TNS3: variants seen among roughly 807,000 people sequenced by gnomAD.
TNS3 encodes tensin 3.
In TNS3, 45 loss-of-function variants were observed where a neutral mutation model predicts 140.9. That is an observed-to-expected ratio of 0.32 (90% confidence interval 0.25 to 0.41). The LOEUF (loss-of-function observed/expected upper bound fraction) is 0.41, where lower values mean the gene tolerates loss of function less well. Among genes scored for constraint, TNS3 ranks in the 10% least tolerant of loss-of-function variants. TNS3 has a pLI of 1.00. For synonymous variants in TNS3, 815 were observed against 788.4 expected (o/e 1.03, Z -0.56); for missense variants, 1,716 against 1,906.7 (o/e 0.90, Z 1.86).
At chr7:47,318,595 G>A (rs1482606210) in intron 20 of TNS3, among the ~76,000 whole-genome samples, 1 of 152,072 alleles carries the variant, frequency 6.6e-6, no homozygotes, top group Non-Finnish European at 1.5e-5. Flanking sequence ...CCCTCCTCAG[G>A]GAAGCTTTCC....
intron 2 of TNS3, among the ~76,000 whole-genome samples, chr7:47,513,402 C>T (rs1210790075): frequency 6.6e-6 from 1 of 152,132 alleles, no homozygotes; most frequent in Non-Finnish European, 1.5e-5. Flanking sequence ...CTCCCGGTTT[C>T]GATCGATTCT....
In TNS3 at chr7:47,392,550, G is replaced by C. The variant is rs1236359811; in HGVS notation, c.1024+4250C>G. Among the ~76,000 whole-genome samples the C allele has an allele frequency of 2.0e-5, 3 of 152,320 alleles. No individual in the cohort carries two copies. In the East Asian group the frequency reaches 5.8e-4, roughly 29 times the overall value. ...CAATACATCATTTTCCCAGCTAAAA[G>C]AGAATGTTTCAGAGGCTGCCAAACC... On this transcript the variant is annotated intron_variant, in intron 16 of 30. Coordinates refer to ENST00000311160, the MANE Select transcript of TNS3 (RefSeq NM_022748.12).
chr7:47,470,812 G>A (rs778951307), intron 4 of TNS3, among the ~76,000 whole-genome samples: 7 of 152,140 alleles, frequency 4.6e-5, no homozygotes, highest in African/African-American at 7.2e-5. Flanking sequence ...GCTGTTGACC[G>A]TTCACAATTC....
rs375854447 is a variant in TNS3 at position 47,292,991 on chromosome 7, G to A, written c.3773-86C>T. The A allele has an allele frequency of 1.2e-5, 14 of 1,194,400 alleles. No homozygotes were observed. The East Asian group carries it at 3.0e-4, about 25-fold the overall frequency. 74.0% of individuals were successfully genotyped at this position (1,194,400 alleles called of 1,614,324 possible). On this transcript the variant is annotated intron_variant, in intron 25 of 30. Coordinates refer to ENST00000311160, the MANE Select transcript of TNS3 (RefSeq NM_022748.12). ...CCAATTTATCAGCTGGAATGAAACG[G>A]ATGCAAAGGCTGAGCCCTTATCTTT...
chr7:47,315,131 C>T (rs551766202), intron 20 of TNS3, among the ~76,000 whole-genome samples: 22 of 152,262 alleles, frequency 1.4e-4, no homozygotes, highest in African/African-American at 4.8e-4. Context: ...CCTGAACAGA[C>T]GCTCCTTTTA....
At chr7:47,437,407 AT>A (rs1384512419) in intron 6 of TNS3, 94 bp from the exon 7 acceptor site, 2 of 490,438 alleles carry the variant, frequency 4.1e-6, no homozygotes, top group African/African-American at 2.1e-5. Context: ...ATTAATACTA[AT>A]TTTTTAAAAA....
intron 4 of TNS3, among the ~76,000 whole-genome samples, chr7:47,469,957 G>C (rs1389200976): frequency 1.2e-5 from 1 of 80,752 alleles, no homozygotes; most frequent in Admixed American, 2.1e-4. Flanking sequence ...CTGGGCAACA[G>C]AATGAAACTC....
intron 8 of TNS3, among the ~76,000 whole-genome samples, 153 bp from the exon 9 acceptor site, chr7:47,428,529 C>T (rs949283362): frequency 1.3e-5 from 2 of 152,166 alleles, no homozygotes; most frequent in Non-Finnish European, 2.9e-5. Flanking sequence ...CTGGGAAAGT[C>T]AGTACCCAGT....
At chr7:47,308,356 C>G (rs552257801) in intron 20 of TNS3, among the ~76,000 whole-genome samples, 1 of 152,260 alleles carries the variant, frequency 6.6e-6, no homozygotes, top group East Asian at 1.9e-4. Context: ...CTCTACTTAA[C>G]TTTTTGAACA....
chr7:47,457,271 AG>A (rs1172646583), intron 4 of TNS3, among the ~76,000 whole-genome samples: 3 of 151,852 alleles, frequency 2.0e-5, no homozygotes, highest in African/African-American at 4.8e-5. Context: ...ATTCTAAGCT[AG>A]CTGGGTAATT....
chr7:47,551,069 A>G (rs957319895), intron 1 of TNS3, among the ~76,000 whole-genome samples: 3 of 152,208 alleles, frequency 2.0e-5, no homozygotes, highest in Non-Finnish European at 4.4e-5. Flanking sequence ...CTGGGTGAAT[A>G]GCATTCACCA....
At chr7:47,491,236 G>A (rs1236011920) in intron 3 of TNS3, among the ~76,000 whole-genome samples, 1 of 152,136 alleles carries the variant, frequency 6.6e-6, no homozygotes, top group African/African-American at 2.4e-5. Flanking sequence ...TGTAAGCTTC[G>A]GTTTTAAACA....
At chr7:47,553,238 C>A (rs759274706) in intron 1 of TNS3, among the ~76,000 whole-genome samples, 1 of 152,242 alleles carries the variant, frequency 6.6e-6, no homozygotes, top group Non-Finnish European at 1.5e-5. Flanking sequence ...TTCAGAAGAT[C>A]TAGCTAAGAC....
rs7808646 is a variant in TNS3 at position 47,368,611 on chromosome 7, C to T, written c.2035G>A (p.Gly679Ser). 2.6e-3 allele frequency: 4,089 copies of T among 1,590,828 alleles called. 87 individuals carry two copies. In the African/African-American group the frequency reaches 0.048, roughly 19 times the overall value. Reference protein sequence around the residue: ...FPGDQVVNGAGPELSTGPSPG... With the variant: ...FPGDQVVNGASPELSTGPSPG... Reference sequence around the variant, plus strand: ...GAGGGGCCTGTGCTCAGCTCTGGGCCGGCTCCATTCACAACCTGGTCTCCT... The same window carrying T: ...GAGGGGCCTGTGCTCAGCTCTGGGCTGGCTCCATTCACAACCTGGTCTCCT... The change falls in exon 17 of 31, where the codon GGC (glycine) becomes AGC (serine). Residue 679 changes from glycine (G) to serine (S), a missense_variant. Physicochemically the swap from Gly to Ser is moderately conservative, Grantham distance 56. Around this residue, in one of 3 missense-constraint regions of TNS3, gnomAD observed 1,163 missense variants for 1,182.1 expected, o/e 0.98. Coordinates refer to ENST00000311160, the MANE Select transcript of TNS3 (RefSeq NM_022748.12).
At chr7:47,539,657 G>A (rs1799728244) in intron 1 of TNS3, 1 of 161,590 alleles carries the variant, frequency 6.2e-6, no homozygotes, top group Non-Finnish European at 1.4e-5. Flanking sequence ...CCCCCCATCT[G>A]ACCTCCCAGA....
chr7:47,391,127 C>T (rs1282859307), intron 16 of TNS3, among the ~76,000 whole-genome samples: 1 of 152,220 alleles, frequency 6.6e-6, no homozygotes, highest in Non-Finnish European at 1.5e-5. Flanking sequence ...ATATGTGCTG[C>T]TCGCCTATGC....
At chr7:47,345,353 A>G (rs1347998815) in intron 18 of TNS3, among the ~76,000 whole-genome samples, 1 of 152,248 alleles carries the variant, frequency 6.6e-6, no homozygotes, top group Admixed American at 6.5e-5. Context: ...GAGTATCTCA[A>G]TATTAAGCGA....
intron 16 of TNS3, among the ~76,000 whole-genome samples, chr7:47,377,057 AG>A (rs1482743919): frequency 6.6e-6 from 1 of 152,186 alleles, no homozygotes; most frequent in Non-Finnish European, 1.5e-5. Context: ...GGACCACCAC[AG>A]GGAACAGGTA....
chr7:47,537,966 A>C (rs1259945044), intron 1 of TNS3, among the ~76,000 whole-genome samples: 475 of 125,648 alleles, frequency 3.8e-3, no homozygotes, highest in South Asian at 4.6e-3. Context: ...CCCTCACCGC[A>C]CCCCCCCCAC....
Sources: gnomAD v4.1 joint callset for allele counts (sites outside exome capture counted in the v4.1 genomes callset) on GRCh38, gnomAD v4.1.1 for gene constraint, gnomAD v4.1.1 regional missense constraint, MANE v1.5 for transcripts, NCBI Gene and HGNC (gene_info 2026-07-23, HGNC 2026-07-21) for gene names.